The following MERTK variants were observed in gnomAD, a reference collection of about 807,000 sequenced individuals.
MERTK encodes the protein MER proto-oncogene, tyrosine kinase.
In MERTK, 69 loss-of-function variants were observed where a neutral mutation model predicts 99.3. The ratio of observed to expected loss-of-function variants is 0.70; its 90% CI spans 0.57 to 0.85. MERTK has a LOEUF of 0.85. MERTK is among the 40% of genes least tolerant of loss of function. The probability of loss-of-function intolerance (pLI) is 0.00; values close to 1 mark genes in which losing one functional copy is unlikely to be tolerated. For synonymous variants in MERTK, 426 were observed against 467.6 expected, an observed-to-expected ratio of 0.91 and a Z score of 1.15; for missense variants, 1,125 against 1,249.4, an observed-to-expected ratio of 0.90 and a Z score of 1.50.
At chr2:111,956,952 T>C (rs537926940) in intron 4 of MERTK, among the ~76,000 whole-genome samples, 1 of 149,632 alleles carries the variant, frequency 6.7e-6, no homozygotes, top group East Asian at 2.0e-4. Context: ...TTTTTCTTTT[T>C]TTTTTTTTTA....
intron 8 of MERTK, among the ~76,000 whole-genome samples, chr2:111,993,379 C>T (rs1449845719): frequency 6.6e-6 from 1 of 152,134 alleles, no homozygotes; most frequent in Non-Finnish European, 1.5e-5. Flanking sequence ...AATAGCACTG[C>T]CTTTGCTGTT....
chr2:111,923,805 TG>T (rs1684507771), intron 1 of MERTK, among the ~76,000 whole-genome samples: 4 of 152,000 alleles, frequency 2.6e-5, no homozygotes, highest in African/African-American at 9.7e-5. Context: ...TCCACTTCTG[TG>T]GGGGAAAAAC....
At chr2:111,922,346 G>A (rs1427485001) in intron 1 of MERTK, among the ~76,000 whole-genome samples, 1 of 152,246 alleles carries the variant, frequency 6.6e-6, no homozygotes, top group Non-Finnish European at 1.5e-5. Flanking sequence ...AGGAGCTCAT[G>A]TTAGGAAAGG....
intron 4 of MERTK, among the ~76,000 whole-genome samples, chr2:111,960,288 C>T (rs1390095569): frequency 6.6e-6 from 1 of 151,944 alleles, no homozygotes; most frequent in African/African-American, 2.4e-5. Context: ...CAAGACCAGC[C>T]TGGCCAACAT....
At position 111,997,361 on chromosome 2, in the gene MERTK, G is replaced by A. The variant is rs750772995; in HGVS notation, c.1489G>A (p.Gly497Ser). The A allele has an allele frequency of 1.8e-5, 29 of 1,614,016 alleles. No individual in the cohort carries two copies. Among genetic ancestry groups the A allele is most frequent in the African/African-American group, 2.7e-5 (2 of 74,918 alleles). The part of the protein sequence containing the change: ...DYAPSSTPAP[G>S]NADPVLIIFG... ...TGCCCCCTCTTCAACTCCGGCGCCT[G>A]GCAACGCAGATCCTGTGCTCATCAT... is the stretch of plus-strand genomic sequence containing the variant. Residue 497 changes from glycine (G) to serine (S), a missense_variant, in exon 10 of 19, where the codon GGC (glycine) becomes AGC (serine). Physicochemically the swap from Gly to Ser is moderately conservative, Grantham distance 56. Coordinates refer to ENST00000295408, the MANE Select transcript of MERTK (RefSeq NM_006343.3).
chr2:111,949,338 C>T (rs1558783156), intron 4 of MERTK, among the ~76,000 whole-genome samples: 1 of 152,132 alleles, frequency 6.6e-6, no homozygotes, highest in East Asian at 1.9e-4. Context: ...AGGTACCTGC[C>T]TCCTAGTAGT....
intron 9 of MERTK, chr2:111,996,843 T>C (rs758830811): frequency 5.3e-6 from 1 of 190,178 alleles, no homozygotes. Flanking sequence ...AACTATATTT[T>C]CTCTGTATCA....
At chr2:112,000,986 C>T (rs1676857278) in intron 10 of MERTK, among the ~76,000 whole-genome samples, 1 of 152,142 alleles carries the variant, frequency 6.6e-6, no homozygotes, top group South Asian at 2.1e-4. Flanking sequence ...ATCTGTTATT[C>T]TCTGTTCTTG....
chr2:111,949,837 T>C (rs938420399), intron 4 of MERTK, among the ~76,000 whole-genome samples: 1 of 152,230 alleles, frequency 6.6e-6, no homozygotes, highest in African/African-American at 2.4e-5. Flanking sequence ...GAATATAAAG[T>C]ATGTACTTTT....
Position 111,982,963 on chromosome 2 carries a change from A to G in MERTK, c.1266A>G (p.Ile422Met). ...QQDGELVGYR[I>M]SHVWQSAGIS... ...ATGGAGAACTGGTGGGCTACCGGAT[A>G]TCCCACGTGTGGCAGAGTGCAGGGA... is the stretch of plus-strand genomic sequence containing the variant. Residue 422 changes from isoleucine (I) to methionine (M), a missense_variant, in exon 8 of 19, where the codon ATA becomes ATG. Transcript: ENST00000295408. 1 of 1,614,164 alleles carries G rather than the reference A, an allele frequency of 6.2e-7. No individual in the cohort carries two copies. Among genetic ancestry groups the G allele is most frequent in the Non-Finnish European group, 8.5e-7 (1 of 1,180,010 alleles).
chr2:111,909,726 G>C (rs978832163), intron 1 of MERTK, among the ~76,000 whole-genome samples: 3 of 152,132 alleles, frequency 2.0e-5, no homozygotes, highest in Admixed American at 2.0e-4. Flanking sequence ...TTGATGTGGT[G>C]ATGTTTTCCA....
intron 4 of MERTK, among the ~76,000 whole-genome samples, chr2:111,949,176 ATTC>A (rs1685012118): frequency 6.6e-6 from 1 of 151,832 alleles, no homozygotes; most frequent in South Asian, 2.1e-4. Flanking sequence ...TCAATCCCAT[ATTC>A]CTGTGTACTC....
At chr2:111,991,344 G>C (rs955250066) in intron 8 of MERTK, among the ~76,000 whole-genome samples, 16 of 152,192 alleles carry the variant, frequency 1.1e-4, no homozygotes, top group African/African-American at 3.9e-4. Flanking sequence ...TCCTGTCTCA[G>C]CCACCCGAGT....
chr2:111,961,270 C>G (rs1241796657), intron 4 of MERTK, among the ~76,000 whole-genome samples: 1 of 149,184 alleles, frequency 6.7e-6, no homozygotes, highest in Non-Finnish European at 1.5e-5. Context: ...CAGCCATTCT[C>G]CTGCCTCAGC....
At chr2:111,979,419 T>C (rs947000168) in intron 7 of MERTK, among the ~76,000 whole-genome samples, 23 of 152,218 alleles carry the variant, frequency 1.5e-4, no homozygotes, top group African/African-American at 4.8e-4. Flanking sequence ...AAAATATCTT[T>C]TCTCTTTAAT....
chr2:111,900,958 T>C (rs750555360), intron 1 of MERTK, among the ~76,000 whole-genome samples: 71 of 150,800 alleles, frequency 4.7e-4, no homozygotes, highest in African/African-American at 1.5e-3. Context: ...GTGTGTAGAT[T>C]CTACACTGTT....
rs374847434 is a variant in MERTK, at chr2:112,021,574, G to C, written c.2342G>C (p.Ser781Thr). Reference sequence around the variant, plus strand: ...GCAGACCGAGTCTACACAAGTAAAAGTGATGTGGTATGTACACAGCTTTGA... The same window carrying C: ...GCAGACCGAGTCTACACAAGTAAAACTGATGTGGTATGTACACAGCTTTGA... Reference protein sequence around the residue: ...SLADRVYTSKSDVWAFGVTMW... With the variant: ...SLADRVYTSKTDVWAFGVTMW... Residue 781 changes from serine (S) to threonine (T), a missense_variant, in exon 17 of 19, where the codon AGT (serine) becomes ACT (threonine). Physicochemically the swap from Ser to Thr is moderately conservative, Grantham distance 58. Transcript: ENST00000295408. 1.2e-6 allele frequency: 2 copies of C among 1,612,790 alleles called. No individual in the cohort carries two copies. Among genetic ancestry groups the C allele is most frequent in the African/African-American group, 2.7e-5 (2 of 74,908 alleles).
chr2:112,010,218 G>A, intron 15 of MERTK, 152 bp downstream of exon 15: 2 of 710,914 alleles, frequency 2.8e-6, no homozygotes, highest in South Asian at 2.8e-5. Flanking sequence ...GTTGAAATGT[G>A]GGGTCTATCC....
chr2:111,956,169 C>T (rs1685145141), intron 4 of MERTK, among the ~76,000 whole-genome samples: 1 of 151,786 alleles, frequency 6.6e-6, no homozygotes. Context: ...AGACTGATGC[C>T]ACTTTGCTGT....
Sources: gnomAD v4.1 joint callset for allele counts (sites outside exome capture counted in the v4.1 genomes callset) on GRCh38, gnomAD v4.1.1 for gene constraint, MANE v1.5 for transcripts, NCBI Gene and HGNC (gene_info 2026-07-23, HGNC 2026-07-21) for gene names.